The following INSYN2B variants were observed in gnomAD, a reference collection of about 807,000 sequenced individuals.
INSYN2B encodes the protein protein INSYN2B.
A neutral mutation model predicts 41.2 loss-of-function variants in INSYN2B; 16 were observed. The observed-to-expected ratio is 0.39, with a 90% CI of 0.26 to 0.59. The LOEUF (loss-of-function observed/expected upper bound fraction) is 0.59, where lower values mean the gene tolerates loss of function less well. Ranked by LOEUF, INSYN2B falls within the 20% of genes least tolerant of loss-of-function variation. INSYN2B has a pLI of 0.57. For synonymous variants in INSYN2B, 245 were observed against 244.4 expected (o/e 1.00, Z -0.02); for missense variants, 608 against 646.4 (o/e 0.94, Z 0.64).
At chr5:169,923,811 A>G (rs1019073066) in intron 1 of INSYN2B, among the ~76,000 whole-genome samples, 4 of 152,236 alleles carry the variant, frequency 2.6e-5, no homozygotes, top group Non-Finnish European at 5.9e-5. Flanking sequence ...CATAGATGTT[A>G]TGCAACTTGT....
chr5:169,923,489 A>G (rs1019104056), intron 1 of INSYN2B, among the ~76,000 whole-genome samples: 2 of 148,634 alleles, frequency 1.3e-5, no homozygotes, highest in African/African-American at 4.9e-5. Flanking sequence ...GTGGGCACAC[A>G]CACACACACA....
intron 1 of INSYN2B, among the ~76,000 whole-genome samples, chr5:169,957,498 A>G (rs1408484187): frequency 1.3e-5 from 2 of 152,158 alleles, no homozygotes; most frequent in African/African-American, 2.4e-5. Context: ...TTCCCACTGA[A>G]CAGATGAGAA....
chr5:169,916,975 A>G (rs1206682577), intron 1 of INSYN2B, among the ~76,000 whole-genome samples: 1 of 152,150 alleles, frequency 6.6e-6, no homozygotes, highest in Non-Finnish European at 1.5e-5. Context: ...TACTCTTCCA[A>G]ATCCAGGACT....
chr5:169,951,924 C>A (rs1776682318), intron 1 of INSYN2B, among the ~76,000 whole-genome samples: 1 of 152,220 alleles, frequency 6.6e-6, no homozygotes, highest in Admixed American at 6.5e-5. Context: ...ACTTCACTAC[C>A]TTGACTCCTA....
intron 1 of INSYN2B, among the ~76,000 whole-genome samples, chr5:169,977,400 T>C (rs1303143601): frequency 6.6e-6 from 1 of 152,248 alleles, no homozygotes; most frequent in African/African-American, 2.4e-5. Flanking sequence ...TCTCTGGACT[T>C]GAGTCAGCAA....
At chr5:169,894,955 G>T (rs1454017684) in intron 1 of INSYN2B, among the ~76,000 whole-genome samples, 1 of 152,190 alleles carries the variant, frequency 6.6e-6, no homozygotes, top group African/African-American at 2.4e-5. Context: ...CCCCCGTGAG[G>T]TCTGCCATTT....
At position 169,873,678 on chromosome 5, in the gene INSYN2B, C is replaced by T. The variant is rs568278848; in HGVS notation, c.1421+7690G>A. Among the ~76,000 whole-genome samples the T allele has an allele frequency of 5.3e-5, 8 of 152,324 alleles. 1 individual carries two copies. The East Asian group carries it at 1.4e-3, about 26-fold the overall frequency. On this transcript the variant is annotated intron_variant, in intron 3 of 3. Coordinates refer to ENST00000377365, the MANE Select transcript of INSYN2B (RefSeq NM_001129891.3). The stretch of plus-strand genomic sequence containing the variant: ...TTTAAGTGAAAAGTTGGCTGCTAAA[C>T]CCATAGGACTGAGTGCATATTGCAT...
chr5:169,896,322 G>A (rs1202565343), intron 1 of INSYN2B, among the ~76,000 whole-genome samples: 4 of 152,166 alleles, frequency 2.6e-5, no homozygotes, highest in Non-Finnish European at 5.9e-5. Context: ...AGTGGCTGGG[G>A]GTGGTCTGAT....
intron 1 of INSYN2B, among the ~76,000 whole-genome samples, chr5:169,926,408 G>C (rs984408740): frequency 3.9e-5 from 6 of 152,182 alleles, no homozygotes; most frequent in Admixed American, 2.6e-4. Context: ...TGGCATTACT[G>C]TTAACAAATA....
intron 1 of INSYN2B, among the ~76,000 whole-genome samples, chr5:169,947,313 A>G (rs2113717302): frequency 6.6e-6 from 1 of 152,366 alleles, no homozygotes. Context: ...GTCTTGGAAT[A>G]GGACAGAACA....
chr5:169,900,398 T>C (rs879621104), intron 1 of INSYN2B, among the ~76,000 whole-genome samples: 1 of 152,082 alleles, frequency 6.6e-6, no homozygotes, highest in Non-Finnish European at 1.5e-5. Flanking sequence ...AAATGGAAGT[T>C]TTTCCTTCCA....
intron 1 of INSYN2B, among the ~76,000 whole-genome samples, chr5:169,913,243 C>T (rs773702841): frequency 1.1e-4 from 17 of 152,176 alleles, no homozygotes; most frequent in Non-Finnish European, 1.8e-4. Flanking sequence ...GGAAACTATT[C>T]GGCTCTACTC....
intron 1 of INSYN2B, among the ~76,000 whole-genome samples, chr5:169,907,899 G>A (rs976736089): frequency 6.6e-6 from 1 of 152,178 alleles, no homozygotes; most frequent in Non-Finnish European, 1.5e-5. Flanking sequence ...CACAGGAACC[G>A]TTGGCCAGTC....
intron 3 of INSYN2B, among the ~76,000 whole-genome samples, chr5:169,876,701 A>G (rs1248505289): frequency 6.6e-6 from 1 of 152,220 alleles, no homozygotes; most frequent in Non-Finnish European, 1.5e-5. Context: ...ACCCATTGAG[A>G]ACCAGTTACA....
At position 169,883,453 on chromosome 5, in the gene INSYN2B, G is replaced by A. The variant is rs559462645; in HGVS notation, c.446C>T (p.Ala149Val). ...AAGATGCTGAGCCAACCTTAAGTAGGCAAGGTCAGAAGACACAATGTCCTG... is the reference window on the plus strand; with the variant it reads ...AAGATGCTGAGCCAACCTTAAGTAGACAAGGTCAGAAGACACAATGTCCTG... ...SEQDIVSSDL[A>V]YLRLAQHLED... The change falls in exon 2 of 4, where the codon GCC (alanine) becomes GTC (valine). Residue 149 changes from alanine (A) to valine (V), a missense_variant. Ala to Val is a moderately conservative substitution (Grantham distance 64). Coordinates refer to ENST00000377365, the MANE Select transcript of INSYN2B (RefSeq NM_001129891.3). 6.4e-7 allele frequency: 1 copy of A among 1,551,640 alleles called. No individual in the cohort carries two copies. Among genetic ancestry groups the A allele is most frequent in the Non-Finnish European group, 8.7e-7 (1 of 1,146,976 alleles).
At chr5:169,879,501 A>T (rs931292017) in intron 3 of INSYN2B, among the ~76,000 whole-genome samples, 2 of 152,200 alleles carry the variant, frequency 1.3e-5, no homozygotes, top group East Asian at 3.8e-4. Flanking sequence ...CTGGGAGAAC[A>T]GTCTGGCTTT....
intron 1 of INSYN2B, among the ~76,000 whole-genome samples, chr5:169,911,343 T>C (rs1039127724): frequency 6.6e-6 from 1 of 152,172 alleles, no homozygotes; most frequent in Admixed American, 6.5e-5. Context: ...ATTAGAGAAC[T>C]CTCCTTCACT....
At chr5:169,970,038 T>A (rs1777443463) in intron 1 of INSYN2B, among the ~76,000 whole-genome samples, 1 of 152,262 alleles carries the variant, frequency 6.6e-6, no homozygotes, top group African/African-American at 2.4e-5. Flanking sequence ...TTTGAGGATC[T>A]CTGGCTACAG....
chr5:169,971,839 G>T (rs938949082), intron 1 of INSYN2B, among the ~76,000 whole-genome samples: 1 of 152,222 alleles, frequency 6.6e-6, no homozygotes. Flanking sequence ...AATATCTCTC[G>T]TAGTTACCCA....
Sources: allele counts gnomAD v4.1 joint callset (sites outside exome capture counted in the v4.1 genomes callset), GRCh38; gene constraint gnomAD v4.1.1; transcripts MANE v1.5; gene names NCBI Gene and HGNC (gene_info 2026-07-23, HGNC 2026-07-21).